Variants in GARS1 observed in about 807,000 individuals in gnomAD.
GARS1 encodes the protein glycine--tRNA ligase.
GARS1 carries 46 observed loss-of-function variants against 86.4 expected under a neutral mutation model. That is an observed-to-expected ratio of 0.53 (90% CI 0.42 to 0.68). The LOEUF (loss-of-function observed/expected upper bound fraction) is 0.68, where lower values mean the gene tolerates loss of function less well. GARS1 is among the 30% of genes least tolerant of loss of function. The pLI, the probability that GARS1 is intolerant of heterozygous loss-of-function variation, is 0.00. For missense variants in GARS1, 797 were observed against 915.6 expected (o/e 0.87, Z 1.67); for synonymous variants, 342 against 329.8 (o/e 1.04, Z -0.40).
chr7:30,603,797 G>C (rs1436801740), intron 6 of GARS1, among the ~76,000 whole-genome samples: 3 of 152,092 alleles, frequency 2.0e-5, no homozygotes, highest in African/African-American at 7.2e-5. Context: ...GTGTTAATAG[G>C]CATTCAATTT....
chr7:30,621,300 A>G, intron 10 of GARS1, 93 bp from the exon 11 acceptor site: 1 of 976,052 alleles, frequency 1.0e-6, no homozygotes, highest in Non-Finnish European at 1.6e-6. Flanking sequence ...ATCATTGAAT[A>G]TATGAAAGGT....
At position 30,603,106 on chromosome 7, in the gene GARS1, T is replaced by C. The variant is rs749591032; in HGVS notation, c.642T>C (p.Ala214=). 11 of 1,613,636 alleles carry C rather than the reference T, an allele frequency of 6.8e-6. No homozygotes were observed. Among genetic ancestry groups the C allele is most frequent in the Non-Finnish European group, 9.3e-6 (11 of 1,179,614 alleles). The change falls in exon 5 of 17, where the codon GCT becomes GCC. Residue 214 remains alanine (A), a synonymous_variant. Transcript: ENST00000389266. The part of the protein sequence containing the change: ...KDVKNGECFR[A]DHLLKAHLQK... ...TAAAAAATGGAGAATGTTTTCGTGC[T>C]GACCATCTATTAAAAGGTGAGGTTC...
At chr7:30,608,438 T>C (rs1000900855) in intron 6 of GARS1, among the ~76,000 whole-genome samples, 1 of 152,212 alleles carries the variant, frequency 6.6e-6, no homozygotes, top group Admixed American at 6.5e-5. Context: ...GGTACCCGTG[T>C]CTTGAAGTTC....
At position 30,632,873 on chromosome 7, in the gene GARS1, G is replaced by C. The variant is rs1209489349; in HGVS notation, c.2094+436G>C. 6.6e-6 allele frequency among the ~76,000 whole-genome samples: 1 copy of C among 152,176 alleles called. No homozygotes were observed. Among genetic ancestry groups the C allele is most frequent in the African/African-American group, 2.4e-5 (1 of 41,440 alleles). ...AGTGAATCATGTTTCAGTAGTTTTG[G>C]TCAATAGGAAGGCAGTAATGGAGAT... On this transcript the variant is annotated intron_variant, in intron 16 of 16. Coordinates refer to ENST00000389266, the MANE Select transcript of GARS1 (RefSeq NM_002047.4). This position sits in a 1 kb window ranked among gnomAD's most constrained non-coding sequence, Gnocchi z 4.1.
chr7:30,615,515 T>C (rs1359985127), intron 8 of GARS1, among the ~76,000 whole-genome samples: 1 of 152,210 alleles, frequency 6.6e-6, no homozygotes, highest in Non-Finnish European at 1.5e-5. Context: ...TAACAAGTTA[T>C]TTTCAGTTAA....
At chr7:30,617,860 G>A (rs1406152178) in intron 10 of GARS1, among the ~76,000 whole-genome samples, 6 of 152,280 alleles carry the variant, frequency 3.9e-5, no homozygotes, top group African/African-American at 1.2e-4. Context: ...GCGGAGGGAC[G>A]AAAGGCATTT....
chr7:30,631,320 T>G, intron 14 of GARS1, 128 bp from the exon 15 acceptor site: 1 of 692,098 alleles, frequency 1.4e-6, no homozygotes, highest in East Asian at 3.1e-5. Flanking sequence ...TGTCATGTTT[T>G]CTGGCATTTT....
chr7:30,598,549 C>T (rs970479181), intron 1 of GARS1, among the ~76,000 whole-genome samples: 4 of 151,848 alleles, frequency 2.6e-5, no homozygotes, highest in African/African-American at 4.8e-5. Flanking sequence ...CCACCACGGC[C>T]GGCTAATTTT....
At chr7:30,612,545 A>T (rs191962217) in intron 8 of GARS1, among the ~76,000 whole-genome samples, 97 of 138,668 alleles carry the variant, frequency 7.0e-4, no homozygotes, top group African/African-American at 2.4e-3. Context: ...GGATGGTAAT[A>T]TCTTGATTGT....
rs772552042 is a variant in GARS1, at chr7:30,616,069, G to A, written c.1194+11G>A. ...GATGCTGTTGAACAGGTAGGATTCT[G>A]GAGGTAACTTAACTTAGATTGTGCC... On this transcript the variant is annotated intron_variant, in intron 9 of 16. Transcript: ENST00000389266. 1.9e-6 allele frequency: 3 copies of A among 1,614,096 alleles called. No individual in the cohort carries two copies. In the South Asian group the frequency reaches 3.3e-5, roughly 18 times the overall value.
intron 13 of GARS1, 49 bp from the exon 14 acceptor site, chr7:30,628,511 A>G: frequency 7.6e-7 from 1 of 1,307,734 alleles, no homozygotes; most frequent in South Asian, 1.2e-5. Flanking sequence ...TCTGAAATGC[A>G]TTATGTGGTA....
chr7:30,611,147 T>C (rs570913293), intron 7 of GARS1, among the ~76,000 whole-genome samples: 33 of 152,346 alleles, frequency 2.2e-4, no homozygotes, highest in Admixed American at 7.2e-4. Context: ...GCAGTGGTTA[T>C]AGTAGTGTAT....
At chr7:30,622,547 A>G in intron 12 of GARS1, 85 bp downstream of exon 12, 1 of 1,551,356 alleles carries the variant, frequency 6.4e-7, no homozygotes, top group Non-Finnish European at 8.9e-7. Flanking sequence ...TTAATTTCTT[A>G]AGATTTTTTG....
rs910369471 is a variant in GARS1, at chr7:30,609,727, C to T, written c.878C>T (p.Pro293Leu). Reference sequence around the variant, plus strand: ...TTCATTGGGCCTGGAGGAAACATGCCTGGGTATGTATCACTTATTGTTTAC... The same window carrying T: ...TTCATTGGGCCTGGAGGAAACATGCTTGGGTATGTATCACTTATTGTTTAC... Reference protein sequence around the residue: ...KTFIGPGGNMPGYLRPETAQG... With the variant: ...KTFIGPGGNMLGYLRPETAQG... The change falls in exon 7 of 17, where the codon CCT becomes CTT. Residue 293 changes from proline (P) to leucine (L), a missense_variant. Transcript: ENST00000389266. 1.2e-6 allele frequency: 2 copies of T among 1,613,224 alleles called. No individual in the cohort carries two copies. Among genetic ancestry groups the T allele is most frequent in the Admixed American group, 1.7e-5 (1 of 59,976 alleles).
At chr7:30,605,510 C>G (rs1181764605) in intron 6 of GARS1, among the ~76,000 whole-genome samples, 1 of 152,098 alleles carries the variant, frequency 6.6e-6, no homozygotes, top group African/African-American at 2.4e-5. Context: ...ACTTCTTTCC[C>G]CTAATTCTTT....
Position 30,615,936 on chromosome 7 carries a change from A to C in GARS1, c.1072A>C (p.Ser358Arg). 1 of 1,614,222 alleles carries C rather than the reference A, an allele frequency of 6.2e-7. No homozygotes were observed. The highest frequency in any genetic ancestry group is 1.1e-5 in the South Asian group (1 of 91,086). Residue 358 changes from serine to arginine, a missense_variant, in exon 9 of 17, where the codon AGT (serine) becomes CGT (arginine). By Grantham distance (110) the Ser-to-Arg change is moderately radical. Coordinates refer to ENST00000389266, the MANE Select transcript of GARS1 (RefSeq NM_002047.4). Reference sequence around the variant, plus strand: ...AGAAATTGAGCACTTTGTAGATCCCAGTGAGAAAGACCACCCCAAGTTCCA... The same window carrying C: ...AGAAATTGAGCACTTTGTAGATCCCCGTGAGAAAGACCACCCCAAGTTCCA... ...MAEIEHFVDP[S>R]EKDHPKFQNV...
chr7:30,595,762 T>A, intron 1 of GARS1: 1 of 471,030 alleles, frequency 2.1e-6, no homozygotes, highest in Non-Finnish European at 4.4e-6. Flanking sequence ...TGTCGAACTT[T>A]TCTATTAATG....
intron 15 of GARS1, chr7:30,631,836 T>C (rs866921341): frequency 2.6e-5 from 10 of 389,430 alleles, no homozygotes; most frequent in Non-Finnish European, 4.3e-5. Context: ...CTGAGTGGAG[T>C]GTAGCAACCA....
intron 8 of GARS1, among the ~76,000 whole-genome samples, chr7:30,613,476 G>T (rs190362830): frequency 1.3e-5 from 2 of 152,316 alleles, no homozygotes; most frequent in East Asian, 1.9e-4. Flanking sequence ...AGGAAGCTGC[G>T]TAAGGCTGAC....
Sources: gnomAD v4.1 joint callset for allele counts (sites outside exome capture counted in the v4.1 genomes callset) on GRCh38, gnomAD v4.1.1 for gene constraint, Gnocchi (gnomAD v3.1) non-coding constraint, MANE v1.5 for transcripts, NCBI Gene and HGNC (gene_info 2026-07-23, HGNC 2026-07-21) for gene names.